The following CNTN5 variants were observed in gnomAD, a reference collection of about 807,000 sequenced individuals.
The protein encoded by CNTN5 is contactin-5.
CNTN5 carries 77 observed loss-of-function variants against 129.1 expected under a neutral mutation model. The ratio of observed to expected loss-of-function variants is 0.60; its 90% CI spans 0.50 to 0.72. CNTN5 has a LOEUF of 0.72. Ranked by LOEUF, CNTN5 falls within the 30% of genes least tolerant of loss-of-function variation. CNTN5 has a pLI of 0.00. For missense variants in CNTN5, 1,478 were observed against 1,328.8 expected (o/e 1.11, Z -1.75); for synonymous variants, 509 against 465.6 (o/e 1.09, Z -1.20).
chr11:99,869,078 C>T (rs774526376), intron 6 of CNTN5, among the ~76,000 whole-genome samples: 2 of 152,148 alleles, frequency 1.3e-5, no homozygotes, highest in African/African-American at 4.8e-5. Context: ...CGTCTCAAAA[C>T]TTAATCTTTT....
intron 4 of CNTN5, among the ~76,000 whole-genome samples, chr11:99,833,854 C>T (rs1284304277): frequency 6.6e-6 from 1 of 152,084 alleles, no homozygotes; most frequent in Admixed American, 6.6e-5. Flanking sequence ...TCAGTGATTC[C>T]CAGTTGCTGT....
At chr11:99,413,721 C>T (rs1294091727) in intron 2 of CNTN5, among the ~76,000 whole-genome samples, 1 of 152,002 alleles carries the variant, frequency 6.6e-6, no homozygotes, top group African/African-American at 2.4e-5. Context: ...GTTTTTTTCT[C>T]AGAAGTCTTT....
chr11:100,089,442 C>A (rs1311692787), intron 13 of CNTN5, among the ~76,000 whole-genome samples: 2 of 152,230 alleles, frequency 1.3e-5, no homozygotes, highest in South Asian at 4.1e-4. Context: ...AATGGAAACA[C>A]TTTTACACTC....
chr11:99,275,076 C>T (rs1299890061), intron 1 of CNTN5, among the ~76,000 whole-genome samples: 1 of 150,794 alleles, frequency 6.6e-6, no homozygotes, highest in Admixed American at 6.6e-5. Flanking sequence ...TGTGTATATG[C>T]CATAGTTAAT....
intron 18 of CNTN5, among the ~76,000 whole-genome samples, chr11:100,273,229 G>A (rs1051971276): frequency 2.0e-5 from 3 of 152,042 alleles, no homozygotes; most frequent in South Asian, 2.1e-4. Flanking sequence ...TAAGCAGGGC[G>A]GCTCCTATGG....
intron 6 of CNTN5, among the ~76,000 whole-genome samples, chr11:99,912,798 A>G (rs1565670387): frequency 6.6e-6 from 1 of 152,024 alleles, no homozygotes; most frequent in Non-Finnish European, 1.5e-5. Flanking sequence ...GGGCCCTGTG[A>G]CTTTTGATCA....
intron 1 of CNTN5, among the ~76,000 whole-genome samples, chr11:99,169,142 G>T (rs560091343): frequency 6.6e-6 from 1 of 152,106 alleles, no homozygotes; most frequent in South Asian, 2.1e-4. Flanking sequence ...AAACATGGCC[G>T]TTGATACTAG....
At chr11:99,096,707 T>G (rs1235715156) in intron 1 of CNTN5, among the ~76,000 whole-genome samples, 2 of 151,876 alleles carry the variant, frequency 1.3e-5, no homozygotes, top group African/African-American at 4.8e-5. Flanking sequence ...TTATTAGACT[T>G]TCTTTTGCAC....
rs377414424 is a variant in CNTN5, at chr11:100,135,989, A to C, written c.1581-55137A>C. Among the ~76,000 whole-genome samples the C allele has an allele frequency of 3.5e-4, 54 of 152,208 alleles. 1 individual carries two copies. In the South Asian group the frequency reaches 0.011, roughly 31 times the overall value. The stretch of plus-strand genomic sequence containing the variant: ...ATACTGGTACATGATATTATTTGTC[A>C]CCATTATCTGGAAGTTCAGTGCTAT... On this transcript the variant is annotated intron_variant, in intron 13 of 24. Coordinates refer to ENST00000524871, the MANE Select transcript of CNTN5 (RefSeq NM_014361.4).
chr11:99,066,169 T>G (rs1865094590), intron 1 of CNTN5, among the ~76,000 whole-genome samples: 1 of 152,182 alleles, frequency 6.6e-6, no homozygotes, highest in African/African-American at 2.4e-5. Context: ...AATAGCACAA[T>G]CTCAGCTCAC....
intron 2 of CNTN5, among the ~76,000 whole-genome samples, chr11:99,484,510 C>T (rs1253354506): frequency 2.6e-5 from 4 of 152,150 alleles, no homozygotes; most frequent in African/African-American, 9.7e-5. Flanking sequence ...ACCATTTGAT[C>T]TAGCAATGCC....
intron 2 of CNTN5, among the ~76,000 whole-genome samples, chr11:99,462,763 G>A (rs186121925): frequency 3.4e-4 from 52 of 152,184 alleles, no homozygotes; most frequent in Non-Finnish European, 5.0e-4. Flanking sequence ...GATTAGGACT[G>A]CAGGAGTAGG....
intron 3 of CNTN5, among the ~76,000 whole-genome samples, chr11:99,794,216 C>A (rs1378118302): frequency 6.7e-6 from 1 of 148,338 alleles, no homozygotes; most frequent in Non-Finnish European, 1.5e-5. Context: ...GGCTTACAGC[C>A]TTTTTTGTCT....
At chr11:100,236,852 T>G (rs12284221) in intron 16 of CNTN5, among the ~76,000 whole-genome samples, 4,171 of 152,174 alleles carry the variant, frequency 0.027, 188 homozygotes, top group African/African-American at 0.093. Flanking sequence ...TTAGGGAATA[T>G]ACACTTCATA....
intron 2 of CNTN5, among the ~76,000 whole-genome samples, chr11:99,339,647 T>G (rs1437937611): frequency 6.6e-6 from 1 of 152,064 alleles, no homozygotes; most frequent in East Asian, 1.9e-4. Flanking sequence ...CCGGGTGTGG[T>G]GGCAGGCGCC....
intron 2 of CNTN5, among the ~76,000 whole-genome samples, chr11:99,518,181 G>A (rs1383190587): frequency 1.3e-5 from 2 of 151,954 alleles, no homozygotes; most frequent in South Asian, 4.1e-4. Flanking sequence ...ATTTGCTCAA[G>A]TTCAGTCGGA....
intron 6 of CNTN5, among the ~76,000 whole-genome samples, chr11:99,885,173 T>G (rs560644809): frequency 6.6e-6 from 1 of 151,940 alleles, no homozygotes; most frequent in East Asian, 1.9e-4. Context: ...TCCTAGCTAC[T>G]GGGGGCGCTC....
chr11:100,116,529 A>G (rs1416275586), intron 13 of CNTN5, among the ~76,000 whole-genome samples: 1 of 151,950 alleles, frequency 6.6e-6, no homozygotes, highest in Non-Finnish European at 1.5e-5. Context: ...AGACTTTTTA[A>G]TGAACTTGGT....
intron 8 of CNTN5, among the ~76,000 whole-genome samples, chr11:99,994,575 C>T (rs1196373038): frequency 6.6e-6 from 1 of 152,072 alleles, no homozygotes; most frequent in East Asian, 1.9e-4. Flanking sequence ...GGGACTCATG[C>T]ATATAAGAGG....
Sources: allele counts gnomAD v4.1 joint callset (sites outside exome capture counted in the v4.1 genomes callset), GRCh38; gene constraint gnomAD v4.1.1; transcripts MANE v1.5; gene names NCBI Gene and HGNC (gene_info 2026-07-23, HGNC 2026-07-21).